The following XRCC4 variants were observed in gnomAD, a reference collection of about 807,000 sequenced individuals.
XRCC4 encodes the protein DNA repair protein XRCC4.
A neutral mutation model predicts 39.1 loss-of-function variants in XRCC4; 28 were observed. The ratio of observed to expected loss-of-function variants is 0.72; its 90% CI spans 0.53 to 0.98. The LOEUF is 0.98. Ranked by LOEUF, XRCC4 falls within the 50% of genes least tolerant of loss-of-function variation. The pLI, the probability that XRCC4 is intolerant of heterozygous loss-of-function variation, is 0.00. For synonymous variants in XRCC4, 123 were observed against 126.4 expected (o/e 0.97, Z 0.18); for missense variants, 350 against 376.4 (o/e 0.93, Z 0.58).
At chr5:83,081,252 ATTTACATTACCT>A (rs146587330) in intron 1 of XRCC4, among the ~76,000 whole-genome samples, 1 of 152,224 alleles carries the variant, frequency 6.6e-6, no homozygotes, top group African/African-American at 2.4e-5. Context: ...GATAGGGTTG[ATTTACATTACCT>A]TTTACATTAC....
At chr5:83,237,443 G>A (rs1752733491) in intron 6 of XRCC4, among the ~76,000 whole-genome samples, 1 of 152,074 alleles carries the variant, frequency 6.6e-6, no homozygotes, top group African/African-American at 2.4e-5. Flanking sequence ...GTTATATTAA[G>A]TGAAATAAGC....
At chr5:83,229,533 A>C (rs1322036069) in intron 6 of XRCC4, among the ~76,000 whole-genome samples, 3 of 151,474 alleles carry the variant, frequency 2.0e-5, no homozygotes, top group African/African-American at 4.8e-5. Context: ...AGTGGTTCTT[A>C]TTTTGGGGGG....
intron 7 of XRCC4, among the ~76,000 whole-genome samples, chr5:83,263,287 C>T (rs1753829661): frequency 6.6e-6 from 1 of 151,742 alleles, no homozygotes; most frequent in African/African-American, 2.4e-5. Context: ...CTATTGTGAA[C>T]AATGCCGCAG....
At chr5:83,280,610 T>G (rs1754503834) in intron 7 of XRCC4, 2 of 404,394 alleles carry the variant, frequency 4.9e-6, no homozygotes, top group Non-Finnish European at 9.3e-6. Flanking sequence ...AAGACCACCC[T>G]TCTCAAGGCT....
At chr5:83,154,367 A>T (rs931158388) in intron 3 of XRCC4, among the ~76,000 whole-genome samples, 12 of 152,200 alleles carry the variant, frequency 7.9e-5, no homozygotes, top group Non-Finnish European at 1.6e-4. Context: ...TTTGAGTACC[A>T]ACATGAAATT....
chr5:83,128,941 C>G (rs998333005), intron 3 of XRCC4, among the ~76,000 whole-genome samples: 1 of 151,958 alleles, frequency 6.6e-6, no homozygotes, highest in Non-Finnish European at 1.5e-5. Flanking sequence ...CTCACTCTGA[C>G]GATAGTTTCT....
intron 7 of XRCC4, among the ~76,000 whole-genome samples, chr5:83,294,143 A>G (rs1755016575): frequency 6.6e-6 from 1 of 151,988 alleles, no homozygotes; most frequent in Admixed American, 6.6e-5. Context: ...AATGACCATG[A>G]CTAATTTTCA....
Position 83,348,124 on chromosome 5 carries a change from G to T in XRCC4, c.894-5007G>T, listed in dbSNP as rs150514564. ...CCCCCATGGCTGCTTTCATAGGCTG[G>T]TATTGAGTGCCTGCAGCTTTTCCAG... On this transcript the variant is annotated intron_variant, in intron 7 of 7. Coordinates refer to ENST00000396027, the MANE Select transcript of XRCC4 (RefSeq NM_003401.5). Among the ~76,000 whole-genome samples, 1,035 of 152,278 alleles carry T rather than the reference G, an allele frequency of 6.8e-3. 12 individuals carry two copies. The highest frequency in any genetic ancestry group is 0.024 in the African/African-American group (980 of 41,566).
intron 7 of XRCC4, among the ~76,000 whole-genome samples, chr5:83,283,968 A>G (rs1432879098): frequency 7.0e-6 from 1 of 143,156 alleles, no homozygotes; most frequent in East Asian, 2.3e-4. Flanking sequence ...AAGAAATAGT[A>G]TGAGGTAATG....
intron 6 of XRCC4, among the ~76,000 whole-genome samples, chr5:83,242,502 G>A (rs750798517): frequency 9.2e-5 from 14 of 151,826 alleles, no homozygotes; most frequent in East Asian, 3.9e-4. Flanking sequence ...CTGGAAAGTC[G>A]TGGTGTGATC....
intron 7 of XRCC4, among the ~76,000 whole-genome samples, chr5:83,278,151 C>T (rs1754401039): frequency 6.6e-6 from 1 of 152,162 alleles, no homozygotes; most frequent in Admixed American, 6.5e-5. Flanking sequence ...CACTTCACCC[C>T]ACCTAATGAC....
intron 7 of XRCC4, among the ~76,000 whole-genome samples, chr5:83,275,592 G>A (rs913515682): frequency 1.7e-4 from 26 of 152,186 alleles, no homozygotes; most frequent in Admixed American, 1.6e-3. Flanking sequence ...ACCGCGCCCG[G>A]CCCAGGTTAG....
intron 7 of XRCC4, among the ~76,000 whole-genome samples, chr5:83,331,202 G>A (rs974189675): frequency 2.0e-5 from 3 of 152,046 alleles, no homozygotes; most frequent in African/African-American, 7.2e-5. Flanking sequence ...TTGCTCTTAA[G>A]TATAGAGTTC....
rs199862373 is a variant in XRCC4, at chr5:83,143,905, C to CT, written c.315+32710dup. The stretch of plus-strand genomic sequence containing the variant: ...TATGATGTGCCTAGGAGTTTTCTTT[C>CT]TTTTTTTTAATTTCAATAGGTTTTA... On this transcript the variant is annotated intron_variant, in intron 3 of 7. Coordinates refer to ENST00000396027, the MANE Select transcript of XRCC4 (RefSeq NM_003401.5). Among the ~76,000 whole-genome samples the CT allele has an allele frequency of 3.2e-3, 489 of 151,382 alleles. 2 individuals carry two copies. The highest frequency in any genetic ancestry group is 0.011 in the African/African-American group (465 of 41,286).
intron 2 of XRCC4, among the ~76,000 whole-genome samples, chr5:83,107,325 T>C (rs532727820): frequency 8.7e-4 from 132 of 152,092 alleles, no homozygotes; most frequent in South Asian, 5.6e-3. Flanking sequence ...ACTAAGGACA[T>C]TGAAACAATT....
intron 7 of XRCC4, among the ~76,000 whole-genome samples, chr5:83,265,057 T>A (rs1157867105): frequency 6.6e-6 from 1 of 152,124 alleles, no homozygotes; most frequent in Non-Finnish European, 1.5e-5. Context: ...TAAAATGAGG[T>A]AGTTGACCAT....
At chr5:83,082,696 C>T (rs1450031137) in intron 1 of XRCC4, among the ~76,000 whole-genome samples, 1 of 151,872 alleles carries the variant, frequency 6.6e-6, no homozygotes, top group Non-Finnish European at 1.5e-5. Flanking sequence ...CGGCCCACCA[C>T]AAATTTGTAA....
chr5:83,362,583 A>C, the XRCC4 span, among the ~76,000 whole-genome samples: 12,783 of 152,186 alleles, frequency 0.084, 1,247 homozygotes, highest in East Asian at 0.49. Flanking sequence ...AGTATATAAT[A>C]AAACAAACAC....
intron 1 of XRCC4, 121 bp from the exon 2 acceptor site, chr5:83,104,789 T>C: frequency 1.3e-6 from 1 of 794,030 alleles, no homozygotes; most frequent in South Asian, 1.9e-5. Flanking sequence ...TATTATACAG[T>C]TTTTTTGTTT....
Sources: allele counts gnomAD v4.1 joint callset (sites outside exome capture counted in the v4.1 genomes callset), GRCh38; gene constraint gnomAD v4.1.1; transcripts MANE v1.5; gene names NCBI Gene and HGNC (gene_info 2026-07-23, HGNC 2026-07-21).